The following HHLA2 variants were observed in gnomAD, a reference collection of about 807,000 sequenced individuals.
The protein encoded by HHLA2 is HERV-H LTR-associating protein 2.
In HHLA2, 48 loss-of-function variants were observed where a neutral mutation model predicts 45.9. That is an observed-to-expected ratio of 1.05 (90% CI 0.83 to 1.33). HHLA2 has a LOEUF of 1.33. Ranked by LOEUF, HHLA2 falls within the 40% of genes most tolerant of loss-of-function variation. HHLA2 has a pLI of 0.00. For synonymous variants in HHLA2, 161 were observed against 173.9 expected (o/e 0.93, Z 0.59); for missense variants, 462 against 494.3 (o/e 0.93, Z 0.62).
At chr3:108,372,684 A>G (rs1473322791) in intron 8 of HHLA2, among the ~76,000 whole-genome samples, 1 of 152,278 alleles carries the variant, frequency 6.6e-6, no homozygotes, top group Non-Finnish European at 1.5e-5. Context: ...CTACCATCAG[A>G]GAATACTATA....
intron 8 of HHLA2, among the ~76,000 whole-genome samples, chr3:108,367,312 G>A (rs2082080691): frequency 6.6e-6 from 1 of 152,062 alleles, no homozygotes. Context: ...CCAAATGATT[G>A]TAACTCCTCT....
rs528475746 is a variant in HHLA2, at chr3:108,375,621, C to T, written c.1109-129C>T. ...AGCAGAAATGAAGGAGATAGACACACGAAAAACCCTTCAAAGAACCAGAGA... is the reference window on the plus strand; with the variant it reads ...AGCAGAAATGAAGGAGATAGACACATGAAAAACCCTTCAAAGAACCAGAGA... On this transcript the variant is annotated intron_variant, in intron 8 of 10. Transcript: ENST00000619531. The T allele has an allele frequency of 3.9e-5, 46 of 1,193,010 alleles. No individual in the cohort carries two copies. In the South Asian group the frequency reaches 5.2e-4, roughly 14 times the overall value. 73.9% of individuals were successfully genotyped at this position (1,193,010 alleles called of 1,614,324 possible).
chr3:108,353,857 T>C (rs6779650), intron 5 of HHLA2, 77 bp downstream of exon 4: 625,056 of 1,053,544 alleles, frequency 0.59, 189,827 homozygotes, highest in Non-Finnish European at 0.62. Flanking sequence ...TTTCCTAATA[T>C]GCCATGAGCT....
chr3:108,343,840 G>T (rs2081616665), intron 3 of HHLA2, among the ~76,000 whole-genome samples: 1 of 152,208 alleles, frequency 6.6e-6, no homozygotes, highest in Non-Finnish European at 1.5e-5. Context: ...TCAGGAGTAG[G>T]TGATAAACTT....
intron 7 of HHLA2, among the ~76,000 whole-genome samples, chr3:108,359,785 C>T (rs1010707540): frequency 6.6e-6 from 1 of 152,144 alleles, no homozygotes; most frequent in African/African-American, 2.4e-5. Context: ...TATATAGGTA[C>T]AGTAGTCCCC....
intron 2 of HHLA2, among the ~76,000 whole-genome samples, chr3:108,322,206 C>T (rs779354471): frequency 6.6e-6 from 1 of 152,186 alleles, no homozygotes; most frequent in Non-Finnish European, 1.5e-5. Context: ...GTGGGCCATG[C>T]CTCTCAGGCG....
chr3:108,318,196 A>AAAG (rs2081136750), intron 2 of HHLA2, among the ~76,000 whole-genome samples: 1 of 151,926 alleles, frequency 6.6e-6, no homozygotes. Context: ...AAAAAAAAAA[A>AAAG]ATTCAATATT....
intron 2 of HHLA2, among the ~76,000 whole-genome samples, chr3:108,315,581 C>G (rs1398568069): frequency 6.6e-6 from 1 of 152,186 alleles, no homozygotes; most frequent in Non-Finnish European, 1.5e-5. Flanking sequence ...GATAGCTACT[C>G]TAATCCATTT....
At chr3:108,358,942 A>G (rs2081944236) in intron 7 of HHLA2, among the ~76,000 whole-genome samples, 1 of 152,198 alleles carries the variant, frequency 6.6e-6, no homozygotes, top group Admixed American at 6.5e-5. Context: ...TGGAGACAAG[A>G]GCACAGAGTT....
intron 1 of HHLA2, among the ~76,000 whole-genome samples, chr3:108,306,177 C>T (rs752127838): frequency 9.9e-5 from 15 of 152,212 alleles, no homozygotes; most frequent in Non-Finnish European, 1.0e-4. Context: ...TTTAACATCA[C>T]AGTTGGAAAG....
At chr3:108,371,051 GA>G (rs1247008795) in intron 8 of HHLA2, among the ~76,000 whole-genome samples, 1 of 152,092 alleles carries the variant, frequency 6.6e-6, no homozygotes, top group Non-Finnish European at 1.5e-5. Flanking sequence ...TGAAATGAAG[GA>G]AAAAATGTTA....
chr3:108,346,075 C>A (rs951536493), intron 3 of HHLA2, among the ~76,000 whole-genome samples: 7 of 151,682 alleles, frequency 4.6e-5, no homozygotes, highest in Admixed American at 1.3e-4. Context: ...CCCCTTTTCC[C>A]TCACTCTTCC....
At chr3:108,356,883 T>TA (rs2081902846) in intron 6 of HHLA2, among the ~76,000 whole-genome samples, 1 of 152,206 alleles carries the variant, frequency 6.6e-6, no homozygotes, top group Admixed American at 6.5e-5. Flanking sequence ...AATATGTGCT[T>TA]AAGAAAGTTG....
intron 7 of HHLA2, among the ~76,000 whole-genome samples, chr3:108,361,907 G>C (rs1332012807): frequency 1.3e-5 from 2 of 152,202 alleles, no homozygotes; most frequent in Admixed American, 1.3e-4. Context: ...ACACTGGGCT[G>C]AGGCTAATTT....
At chr3:108,348,823 G>A (rs1038461574) in intron 3 of HHLA2, among the ~76,000 whole-genome samples, 8 of 134,024 alleles carry the variant, frequency 6.0e-5, no homozygotes, top group Admixed American at 1.5e-4. Context: ...GACAGGCCCC[G>A]GTGTGTGATG....
intron 8 of HHLA2, among the ~76,000 whole-genome samples, chr3:108,372,212 G>A (rs899086420): frequency 1.1e-4 from 16 of 152,180 alleles, no homozygotes; most frequent in Non-Finnish European, 8.8e-5. Context: ...TGAACAACCT[G>A]CTCCTGAATG....
At chr3:108,363,425 A>G (rs1429181963) in intron 8 of HHLA2, among the ~76,000 whole-genome samples, 1 of 152,142 alleles carries the variant, frequency 6.6e-6, no homozygotes. Context: ...CTTGAGATAG[A>G]TCCTATGTCT....
intron 3 of HHLA2, among the ~76,000 whole-genome samples, chr3:108,348,136 A>C (rs1459092826): frequency 6.6e-6 from 1 of 152,076 alleles, no homozygotes. Flanking sequence ...ATAGAGAGAA[A>C]GTAGAAAACC....
chr3:108,366,245 T>G (rs1304532340), intron 8 of HHLA2, among the ~76,000 whole-genome samples: 1 of 152,212 alleles, frequency 6.6e-6, no homozygotes, highest in Admixed American at 6.5e-5. Flanking sequence ...ATCATGTGGT[T>G]TTTGTCACTG....
Sources: allele counts gnomAD v4.1 joint callset (sites outside exome capture counted in the v4.1 genomes callset), GRCh38; gene constraint gnomAD v4.1.1; transcripts MANE v1.5; gene names NCBI Gene and HGNC (gene_info 2026-07-23, HGNC 2026-07-21).